Variants in DDX24 observed in about 807,000 individuals in gnomAD.
DDX24 encodes DEAD-box helicase 24.
A neutral mutation model predicts 68.9 loss-of-function variants in DDX24; 24 were observed. The observed-to-expected ratio is 0.35, with a 90% CI of 0.25 to 0.49. DDX24 has a LOEUF of 0.49. Ranked by LOEUF, DDX24 falls within the 20% of genes least tolerant of loss-of-function variation. The pLI is 0.99. For missense variants in DDX24, 989 were observed against 1,039.0 expected (o/e 0.95, Z 0.66); for synonymous variants, 395 against 385.2 (o/e 1.03, Z -0.30).
At chr14:94,071,664 A>G (rs1286280520) in intron 2 of DDX24, among the ~76,000 whole-genome samples, 2 of 151,368 alleles carry the variant, frequency 1.3e-5, no homozygotes, top group Non-Finnish European at 2.9e-5. Flanking sequence ...AAAGAAAAAA[A>G]GCCGGGCACA....
rs1885358942 is a variant in DDX24, at chr14:94,050,015, T to G, written c.*1176A>C. 1 of 152,370 alleles carries G rather than the reference T, an allele frequency of 6.6e-6. No individual in the cohort carries two copies. Among genetic ancestry groups the G allele is most frequent in the South Asian group, 2.1e-4 (1 of 4,828 alleles). 9.4% of individuals were successfully genotyped at this position (152,370 alleles called of 1,614,324 possible). On this transcript the variant is annotated 3_prime_UTR_variant, in exon 9 of 9. Coordinates refer to ENST00000621632, the MANE Select transcript of DDX24 (RefSeq NM_020414.4). ...ATCTTGGGGTATCTTGGTCCCTTTG[T>G]GTATCCTCTTCAATTCCCTAGCACC...
At chr14:94,062,020 C>T in intron 3 of DDX24, 77 bp downstream of exon 3, 1 of 1,459,890 alleles carries the variant, frequency 6.8e-7, no homozygotes, top group Non-Finnish European at 9.1e-7. Context: ...AGGGCAGGAG[C>T]CACAGCTCAT....
intron 5 of DDX24, among the ~76,000 whole-genome samples, chr14:94,058,465 G>C (rs554589178): frequency 6.6e-6 from 1 of 152,186 alleles, no homozygotes; most frequent in Non-Finnish European, 1.5e-5. Flanking sequence ...TTACTTCTTA[G>C]GATCACTTGG....
intron 8 of DDX24, 51 bp from the exon 9 acceptor site, chr14:94,051,513 T>G: frequency 6.7e-7 from 1 of 1,496,958 alleles, no homozygotes; most frequent in Non-Finnish European, 8.9e-7. Context: ...TGTAGAAACA[T>G]TTTGTTTCCC....
At chr14:94,073,424 C>T (rs1036176963) in intron 2 of DDX24, among the ~76,000 whole-genome samples, 6 of 152,198 alleles carry the variant, frequency 3.9e-5, no homozygotes, top group African/African-American at 1.4e-4. Flanking sequence ...TCTGATTAAA[C>T]AGCAAGACCC....
chr14:94,076,864 A>G (rs4900213), intron 2 of DDX24, among the ~76,000 whole-genome samples: 75,384 of 151,804 alleles, frequency 0.5, 19,589 homozygotes, highest in African/African-American at 0.65. Context: ...ATTTGAAGGT[A>G]GGGGTCCACT....
In DDX24 at chr14:94,059,995, C is replaced by T. The variant is rs941502012; in HGVS notation, c.1913+103G>A. ...GGCTACCTACTACTGAGACAAGGCC[C>T]CTATGACAGAAGGTGGCTTTTCTAC... On this transcript the variant is annotated intron_variant, in intron 5 of 8. Transcript: ENST00000621632. 35 of 1,391,714 alleles carry T rather than the reference C, an allele frequency of 2.5e-5. No individual in the cohort carries two copies. The South Asian group carries it at 3.8e-4, about 15-fold the overall frequency. The allele number at this position is 1,391,714 out of a possible 1,614,324, so 86.2% of individuals were successfully genotyped here.
chr14:94,049,190 T>C lies in DDX24; in HGVS notation c.*2001A>G, dbSNP rs1227467902. On this transcript the variant is annotated 3_prime_UTR_variant, in exon 9 of 9. Transcript: ENST00000621632. Reference sequence around the variant, plus strand: ...CCAAGGAAAAGAATTTGCTGTTAGATGGCTAGGGCAGGACACGGACAGTCA... The same window carrying C: ...CCAAGGAAAAGAATTTGCTGTTAGACGGCTAGGGCAGGACACGGACAGTCA... The C allele has an allele frequency of 6.6e-6, 1 of 152,262 alleles. No individual in the cohort carries two copies. Among genetic ancestry groups the C allele is most frequent in the African/African-American group, 2.4e-5 (1 of 41,458 alleles). The allele number at this position is 152,262 out of a possible 1,614,324, so 9.4% of individuals were successfully genotyped here. A position where few individuals can be genotyped will look rare whatever the true frequency, so the allele number is the denominator to read the frequency against.
At position 94,055,021 on chromosome 14, in the gene DDX24, T is replaced by C; in HGVS notation, c.2153A>G (p.Gln718Arg). The change falls in exon 7 of 9, where the codon CAG becomes CGG. Residue 718 changes from glutamine to arginine, a missense_variant. By Grantham distance (43) the Gln-to-Arg change is conservative. Around this residue, in one of 3 missense-constraint regions of DDX24, gnomAD observed 691 missense variants for 760.0 expected, o/e 0.91. Transcript: ENST00000621632. Reference protein sequence around the residue: ...KDEDIPLFPVQTKYMDVVKER... With the variant: ...KDEDIPLFPVRTKYMDVVKER... ...CTTGACCACATCCATGTATTTTGTC[T>C]GCACGGGGAACAGTGGGATATCCTC... 6.2e-7 allele frequency: 1 copy of C among 1,614,224 alleles called. No individual in the cohort carries two copies. The highest frequency in any genetic ancestry group is 8.5e-7 in the Non-Finnish European group (1 of 1,180,022).
At chr14:94,080,835 G>A (rs1886069706) in intron 1 of DDX24, among the ~76,000 whole-genome samples, 1 of 152,218 alleles carries the variant, frequency 6.6e-6, no homozygotes, top group Admixed American at 6.5e-5. Context: ...TCCTCGTGAC[G>A]CCGGTCCCGC....
In DDX24 at chr14:94,054,980, T is replaced by A; in HGVS notation, c.2178+16A>T. ...ACAATCCCTTCATTAGCACTGGGGT[T>A]TTAACTGCTTTCTACCTTGACCACA... On this transcript the variant is annotated intron_variant, in intron 7 of 8. Coordinates refer to ENST00000621632, the MANE Select transcript of DDX24 (RefSeq NM_020414.4). 6.2e-7 allele frequency: 1 copy of A among 1,612,396 alleles called. No individual in the cohort carries two copies. The highest frequency in any genetic ancestry group is 1.7e-5 in the Admixed American group (1 of 59,960).
intron 7 of DDX24, 100 bp from the exon 8 acceptor site, chr14:94,053,227 C>T: frequency 1.3e-6 from 2 of 1,511,450 alleles, no homozygotes; most frequent in Non-Finnish European, 1.8e-6. Flanking sequence ...AGGCAGGTAT[C>T]ACTCTGCTGC....
chr14:94,063,289 T>C (rs1442858851), intron 2 of DDX24, among the ~76,000 whole-genome samples: 1 of 151,898 alleles, frequency 6.6e-6, no homozygotes. Flanking sequence ...AATAAGATAC[T>C]ATAAGGAAAA....
Position 94,050,887 on chromosome 14 carries a change from A to T in DDX24, c.*304T>A. On this transcript the variant is annotated 3_prime_UTR_variant, in exon 9 of 9. Transcript: ENST00000621632. ...CACCACCACCCCCATCTTCTATCTA[A>T]AAAAAAAAAAAAAAAATCAGGATGA... The T allele has an allele frequency of 5.1e-6, 1 of 194,786 alleles. No homozygotes were observed. The highest frequency in any genetic ancestry group is 1.0e-5 in the Non-Finnish European group (1 of 98,560). 12.1% of individuals were successfully genotyped at this position (194,786 alleles called of 1,614,324 possible). A position where few individuals can be genotyped will look rare whatever the true frequency, so the allele number is the denominator to read the frequency against.
chr14:94,062,036 T>A, intron 3 of DDX24, 61 bp downstream of exon 3: 1 of 1,503,554 alleles, frequency 6.7e-7, no homozygotes, highest in South Asian at 1.3e-5. Flanking sequence ...CTCATTCATC[T>A]TTACCAACGA....
intron 2 of DDX24, among the ~76,000 whole-genome samples, chr14:94,075,943 A>T (rs1885931229): frequency 6.6e-6 from 1 of 152,242 alleles, no homozygotes; most frequent in Non-Finnish European, 1.5e-5. Flanking sequence ...AAAATTTTAA[A>T]AGTCTAAAAT....
Position 94,063,713 on chromosome 14 carries a change from C to T in DDX24, c.719-1092G>A, listed in dbSNP as rs193260779. Among the ~76,000 whole-genome samples the T allele has an allele frequency of 2.2e-3, 337 of 152,120 alleles. 2 individuals carry two copies. The highest frequency in any genetic ancestry group is 0.017 in the Middle Eastern group (5 of 294). ...GGAGGTCTAGGCGGGAGGATCAAGA[C>T]CAGCCTGGGCAACATAGTGAGACTC... On this transcript the variant is annotated intron_variant, in intron 2 of 8. Coordinates refer to ENST00000621632, the MANE Select transcript of DDX24 (RefSeq NM_020414.4).
chr14:94,072,450 G>A (rs1180925128), intron 2 of DDX24, among the ~76,000 whole-genome samples: 1 of 152,204 alleles, frequency 6.6e-6, no homozygotes, highest in Non-Finnish European at 1.5e-5. Flanking sequence ...GTACTTGGGG[G>A]GAAGAATGAA....
At position 94,062,428 on chromosome 14, in the gene DDX24, A is replaced by T; in HGVS notation, c.912T>A (p.Ile304=). 1 of 1,614,124 alleles carries T rather than the reference A, an allele frequency of 6.2e-7. No individual in the cohort carries two copies. Among genetic ancestry groups the T allele is most frequent in the East Asian group, 2.2e-5 (1 of 44,888 alleles). Residue 304 remains isoleucine, a synonymous_variant, in exon 3 of 9, where the codon ATT becomes ATA. Transcript: ENST00000621632. ...ESDALPDDTV[I]ESEALPSDIA... ...TATCACTGGGCAGTGCTTCACTCTC[A>T]ATTACAGTATCGTCAGGCAATGCAT...
Sources: allele counts gnomAD v4.1 joint callset (sites outside exome capture counted in the v4.1 genomes callset), GRCh38; gene constraint gnomAD v4.1.1; regional missense constraint gnomAD v4.1.1; transcripts MANE v1.5; gene names NCBI Gene and HGNC (gene_info 2026-07-23, HGNC 2026-07-21).